Variants in TRIM2 observed in about 807,000 individuals in gnomAD.
The protein encoded by TRIM2 is tripartite motif-containing protein 2.
In TRIM2, 20 loss-of-function variants were observed where a neutral mutation model predicts 75.2. That is an observed-to-expected ratio of 0.27 (90% CI 0.19 to 0.39). The LOEUF (loss-of-function observed/expected upper bound fraction) is 0.39. Ranked by LOEUF, TRIM2 falls within the 10% of genes least tolerant of loss-of-function variation. The pLI is 1.00. For missense variants in TRIM2, 660 were observed against 990.8 expected (o/e 0.67, Z 4.48); for synonymous variants, 373 against 388.3 (o/e 0.96, Z 0.46).
rs11397245 is a variant in TRIM2, at chr4:153,316,873, CTTTTTTTTT to C, written c.1782+891_1782+899del. 9.4e-4 allele frequency among the ~76,000 whole-genome samples: 58 copies of C among 61,588 alleles called. 1 individual carries two copies. In the East Asian group the frequency reaches 0.025, roughly 27 times the overall value. The allele number at this position is 61,588 out of a possible 152,430, so 40.4% of individuals were successfully genotyped here. Reference sequence around the variant, plus strand: ...TTTGTAAGGGCCATTTGCATTATGCCTTTTTTTTTTTTTTTTTTTTTTTTTGAGACGGAG... The same window carrying C: ...TTTGTAAGGGCCATTTGCATTATGCCTTTTTTTTTTTTTTTTGAGACGGAG... On this transcript the variant is annotated intron_variant, in intron 8 of 11. Coordinates refer to ENST00000338700, the MANE Select transcript of TRIM2 (RefSeq NM_015271.5).
rs376619155 is a variant in TRIM2, at chr4:153,295,705, C to A, written c.1179C>A (p.Thr393=). 1.9e-6 allele frequency: 3 copies of A among 1,613,896 alleles called. No homozygotes were observed. The highest frequency in any genetic ancestry group is 2.5e-6 in the Non-Finnish European group (3 of 1,179,920). ...GCAAAACCGGCAACGCCTACCTCACCGCCGAACTGAGCACCCCCGACGGGA... is the reference window on the plus strand; with the variant it reads ...GCAAAACCGGCAACGCCTACCTCACAGCCGAACTGAGCACCCCCGACGGGA... ...ELCKTGNAYL[T]AELSTPDGSV... The change falls in exon 6 of 12, where the codon ACC becomes ACA. Residue 393 remains threonine, a synonymous_variant. Coordinates refer to ENST00000338700, the MANE Select transcript of TRIM2 (RefSeq NM_015271.5). The surrounding 1 kb of genome is among the most constrained non-coding windows in gnomAD (Gnocchi z 7.2).
At chr4:153,301,546 A>G (rs1205962078) in intron 6 of TRIM2, among the ~76,000 whole-genome samples, 3 of 152,178 alleles carry the variant, frequency 2.0e-5, no homozygotes, top group East Asian at 3.8e-4. Context: ...TCACATTCAT[A>G]TTCAAAAAAT....
intron 1 of TRIM2, among the ~76,000 whole-genome samples, chr4:153,237,893 C>T (rs1213552700): frequency 6.6e-6 from 1 of 152,052 alleles, no homozygotes; most frequent in African/African-American, 2.4e-5. Flanking sequence ...AGTATGCTCT[C>T]CAGCTCCCTC....
At chr4:153,246,366 G>T (rs78776326) in intron 1 of TRIM2, among the ~76,000 whole-genome samples, 90 of 152,326 alleles carry the variant, frequency 5.9e-4, no homozygotes, top group African/African-American at 2.2e-3. Flanking sequence ...ACATTTGTCT[G>T]ATTCCAGAGC....
At chr4:153,232,647 G>C (rs533715693) in intron 1 of TRIM2, among the ~76,000 whole-genome samples, 7 of 152,124 alleles carry the variant, frequency 4.6e-5, no homozygotes, top group Non-Finnish European at 1.0e-4. Flanking sequence ...GAGGCCATAG[G>C]TTGGGGCGGG....
Position 153,244,367 on chromosome 4 carries a change from T to C in TRIM2, c.31-25968T>C, listed in dbSNP as rs370959741. ...CTTCTTCTTCTTCCTCTTCTTCTTC[T>C]TCTTCTTCTTCTTCTTCTTCTTCTT... is the stretch of plus-strand genomic sequence containing the variant. On this transcript the variant is annotated intron_variant, in intron 1 of 11. Transcript: ENST00000338700. Among the ~76,000 whole-genome samples, 262 of 41,634 alleles carry C rather than the reference T, an allele frequency of 6.3e-3. 15 individuals are homozygous for C. Among genetic ancestry groups the C allele is most frequent in the East Asian group, 0.024 (38 of 1,578 alleles). The allele number at this position is 41,634 out of a possible 152,430, so 27.3% of individuals were successfully genotyped here. A position where few individuals can be genotyped will look rare whatever the true frequency, so the allele number is the denominator to read the frequency against.
chr4:153,164,397 G>C (rs1730073426), intron 1 of TRIM2, among the ~76,000 whole-genome samples: 1 of 152,100 alleles, frequency 6.6e-6, no homozygotes, highest in Non-Finnish European at 1.5e-5. Context: ...ACTAAAAGAG[G>C]CTTCCTCCCT....
In TRIM2 at chr4:153,296,030, C is replaced by A; in HGVS notation, c.1504C>A (p.Arg502=). 1 of 1,521,948 alleles carries A rather than the reference C, an allele frequency of 6.6e-7. No homozygotes were observed. Among genetic ancestry groups the A allele is most frequent in the Non-Finnish European group, 8.8e-7 (1 of 1,136,848 alleles). 94.3% of individuals were successfully genotyped at this position (1,521,948 alleles called of 1,614,324 possible). Residue 502 remains arginine, a synonymous_variant, in exon 6 of 12, where the codon CGA becomes AGA. Transcript: ENST00000338700. ...TCCCATCGAAGACGATTTGATCTTT[C>A]GAGTGGGTAAGGAGAGGGCTTCTGT... The part of the protein sequence containing the change: ...ENPIEDDLIF[R]VGTKGRNKGE...
At chr4:153,314,619 G>A (rs1294616390) in intron 6 of TRIM2, among the ~76,000 whole-genome samples, 1 of 151,060 alleles carries the variant, frequency 6.6e-6, no homozygotes, top group East Asian at 1.9e-4. Context: ...ATCTAGTATG[G>A]GTGGAAATAT....
intron 1 of TRIM2, among the ~76,000 whole-genome samples, chr4:153,222,046 A>G (rs57835369): frequency 0.16 from 5,547 of 33,768 alleles, 51 homozygotes; most frequent in East Asian, 0.32. Context: ...AAGAGCGAGG[A>G]AGGGAGGGAG....
At chr4:153,184,694 T>A (rs1411151028) in intron 1 of TRIM2, among the ~76,000 whole-genome samples, 1 of 152,212 alleles carries the variant, frequency 6.6e-6, no homozygotes, top group Non-Finnish European at 1.5e-5. Context: ...AAAGTGATAT[T>A]CCACTGTGCA....
intron 1 of TRIM2, among the ~76,000 whole-genome samples, chr4:153,254,683 C>T (rs1751641784): frequency 6.6e-6 from 1 of 152,226 alleles, no homozygotes; most frequent in African/African-American, 2.4e-5. Context: ...CAGTTGGACT[C>T]ATTTGCCAAG....
At chr4:153,331,184 A>G (rs1771400986) in intron 11 of TRIM2, among the ~76,000 whole-genome samples, 1 of 152,096 alleles carries the variant, frequency 6.6e-6, no homozygotes. Flanking sequence ...TTAGCCAGAC[A>G]TGGTGGCACA....
rs143050268 is a variant in TRIM2, at chr4:153,162,851, A to T, written c.-49+9581A>T. 4.4e-3 allele frequency among the ~76,000 whole-genome samples: 667 copies of T among 152,236 alleles called. 5 individuals carry two copies. Among genetic ancestry groups the T allele is most frequent in the African/African-American group, 0.015 (624 of 41,532 alleles). On this transcript the variant is annotated intron_variant, in intron 1 of 11. Transcript: ENST00000437508. ...TGAACCCAAGATGCCACCTGAGGGGAATTCTCATGTGGCCACTTGTGTCCA... is the reference window on the plus strand; with the variant it reads ...TGAACCCAAGATGCCACCTGAGGGGTATTCTCATGTGGCCACTTGTGTCCA...
chr4:153,273,307 G>T (rs1579225549), intron 2 of TRIM2, among the ~76,000 whole-genome samples: 1 of 72,862 alleles, frequency 1.4e-5, no homozygotes, highest in African/African-American at 5.5e-5. Flanking sequence ...ACAGAGTCTC[G>T]CTCTGCCGCC....
In TRIM2 at chr4:153,244,373, TTC is replaced by T. The variant is rs1560874585; in HGVS notation, c.31-25960_31-25959del. ...CTTCTTCCTCTTCTTCTTCTTCTTC[TTC>T]TTCTTCTTCTTCTTCTTCTTCTTCT... On this transcript the variant is annotated intron_variant, in intron 1 of 11. Transcript: ENST00000338700. Among the ~76,000 whole-genome samples the T allele has an allele frequency of 5.4e-5, 3 of 55,062 alleles. 1 individual carries two copies. Among genetic ancestry groups the T allele is most frequent in the Non-Finnish European group, 3.0e-5 (1 of 33,570 alleles). 36.1% of individuals were successfully genotyped at this position (55,062 alleles called of 152,430 possible). A position where few individuals can be genotyped will look rare whatever the true frequency, so the allele number is the denominator to read the frequency against.
At chr4:153,179,291 T>C (rs1306828977) in intron 1 of TRIM2, among the ~76,000 whole-genome samples, 2 of 150,060 alleles carry the variant, frequency 1.3e-5, no homozygotes, top group Admixed American at 1.3e-4. Context: ...TTAATATTAA[T>C]ACTTAAATTT....
intron 1 of TRIM2, among the ~76,000 whole-genome samples, chr4:153,162,004 G>T (rs1019467406): frequency 6.6e-6 from 1 of 152,194 alleles, no homozygotes; most frequent in Non-Finnish European, 1.5e-5. Flanking sequence ...TTCTCTCTGC[G>T]TGGGACCAAT....
At chr4:153,266,727 C>G (rs2150016649) in intron 1 of TRIM2, among the ~76,000 whole-genome samples, 1 of 148,806 alleles carries the variant, frequency 6.7e-6, no homozygotes, top group South Asian at 2.1e-4. Flanking sequence ...CTCAAGTGAT[C>G]TGTTCACCCG....
Sources: gnomAD v4.1 joint callset for allele counts (sites outside exome capture counted in the v4.1 genomes callset) on GRCh38, gnomAD v4.1.1 for gene constraint, Gnocchi (gnomAD v3.1) non-coding constraint, MANE v1.5 for transcripts, NCBI Gene and HGNC (gene_info 2026-07-23, HGNC 2026-07-21) for gene names.